Variants in DUSP13B observed in about 807,000 individuals in gnomAD.
DUSP13B encodes the protein dual specificity phosphatase 13B.
chr10:75,102,934 A>G, the DUSP13B span, among the ~76,000 whole-genome samples: 29 of 152,214 alleles, frequency 1.9e-4, no homozygotes, highest in Non-Finnish European at 4.0e-4. Context: ...CCTTGGCAAC[A>G]AGAACGAAAC....
chr10:75,094,604 C>A, the DUSP13B span: 1 of 1,535,574 alleles, frequency 6.5e-7, no homozygotes, highest in Non-Finnish European at 8.9e-7. Flanking sequence ...CTAGAAACAG[C>A]AGAGCCTGCT....
the DUSP13B span, among the ~76,000 whole-genome samples, chr10:75,102,368 G>A: frequency 1.3e-5 from 2 of 152,088 alleles, no homozygotes; most frequent in Non-Finnish European, 2.9e-5. Context: ...GCGTGAACCC[G>A]GGAGGCAGAG....
At chr10:75,099,625 C>A in the DUSP13B span, 4 of 1,066,608 alleles carry the variant, frequency 3.8e-6, no homozygotes, top group Non-Finnish European at 4.8e-6. Context: ...GTGGGCCCTC[C>A]GGTCCCTCTA....
chr10:75,105,719 G>A, the DUSP13B span: 1 of 1,554,012 alleles, frequency 6.4e-7, no homozygotes, highest in Admixed American at 1.9e-5. Context: ...CAGAGCTGGT[G>A]CAGGAAGCCT....
At chr10:75,096,579 A>G in the DUSP13B span, among the ~76,000 whole-genome samples, 3 of 149,638 alleles carry the variant, frequency 2.0e-5, no homozygotes, top group African/African-American at 7.3e-5. Flanking sequence ...CCCGCCTCAA[A>G]AAAAAAAAAA....
At chr10:75,097,595 T>C in the DUSP13B span, 1 of 928,928 alleles carries the variant, frequency 1.1e-6, no homozygotes, top group Non-Finnish European at 1.5e-6. Context: ...AAAGAGACGG[T>C]GGGAGGCAAG....
At chr10:75,099,642 C>T in the DUSP13B span, 1 of 869,616 alleles carries the variant, frequency 1.1e-6, no homozygotes, top group East Asian at 3.4e-5. Context: ...TCTAAACCCC[C>T]AGGCCTCCTC....
chr10:75,095,725 T>C, the DUSP13B span: 1 of 1,614,232 alleles, frequency 6.2e-7, no homozygotes, highest in Non-Finnish European at 8.5e-7. Flanking sequence ...ACCTGGAACT[T>C]GCCTGCAGCG....
the DUSP13B span, chr10:75,095,751 G>T: frequency 3.1e-6 from 5 of 1,614,110 alleles, no homozygotes; most frequent in Admixed American, 8.3e-5. Flanking sequence ...CACAACGTGG[G>T]TGATTCCCAG....
chr10:75,108,495 C>T, the DUSP13B span, among the ~76,000 whole-genome samples: 1 of 152,180 alleles, frequency 6.6e-6, no homozygotes, highest in African/African-American at 2.4e-5. Flanking sequence ...ATTGCTTCAG[C>T]CCTGGAACCT....
chr10:75,094,886 G>A, the DUSP13B span: 1 of 1,613,288 alleles, frequency 6.2e-7, no homozygotes, highest in African/African-American at 1.3e-5. Flanking sequence ...GGCCTGTAGG[G>A]AGAACCAACT....
chr10:75,108,256 C>T, the DUSP13B span: 1 of 1,548,232 alleles, frequency 6.5e-7, no homozygotes, highest in Non-Finnish European at 8.7e-7. Context: ...GCCATGGGAC[C>T]AGGAGGGAGG....
At chr10:75,108,387 G>A in the DUSP13B span, 1 of 1,206,202 alleles carries the variant, frequency 8.3e-7, no homozygotes, top group South Asian at 1.8e-5. Context: ...CGCACTTTCT[G>A]GTGGCTGAGC....
the DUSP13B span, chr10:75,097,929 G>C: frequency 6.6e-7 from 1 of 1,512,036 alleles, no homozygotes. Flanking sequence ...CAGGCTCCCA[G>C]AGGGTGGATC....
At chr10:75,108,371 G>A in the DUSP13B span, 2 of 1,337,554 alleles carry the variant, frequency 1.5e-6, no homozygotes, top group Admixed American at 6.0e-5. Flanking sequence ...CCTATACCCA[G>A]AGCCCCGCAC....
chr10:75,105,746 A>C, the DUSP13B span: 1 of 1,554,362 alleles, frequency 6.4e-7, no homozygotes, highest in Non-Finnish European at 8.7e-7. Flanking sequence ...GGGAAGACCC[A>C]TCGGTGCTGC....
chr10:75,095,624 G>C, the DUSP13B span: 4 of 1,614,126 alleles, frequency 2.5e-6, no homozygotes, highest in South Asian at 2.2e-5. Flanking sequence ...CAGGCAGAAA[G>C]TAGACACTGA....
At chr10:75,108,067 G>A in the DUSP13B span, 11 of 1,613,940 alleles carry the variant, frequency 6.8e-6, 1 homozygote, top group South Asian at 1.2e-4. Context: ...AAATCAGGGA[G>A]GTCGTGGGCT....
chr10:75,094,630 C>G, the DUSP13B span: 1 of 1,600,408 alleles, frequency 6.2e-7, no homozygotes, highest in East Asian at 2.2e-5. Flanking sequence ...CAGGGCCAGG[C>G]TGGTGGGGTT....
Sources: gnomAD v4.1 joint callset for allele counts (sites outside exome capture counted in the v4.1 genomes callset) on GRCh38, gnomAD v4.1.1 for gene constraint, MANE v1.5 for transcripts, NCBI Gene and HGNC (gene_info 2026-07-23, HGNC 2026-07-21) for gene names.